The following AK2 variants were observed in gnomAD, a reference collection of about 807,000 sequenced individuals.
AK2 encodes adenylate kinase 2.
AK2 carries 15 observed loss-of-function variants against 24.6 expected under a neutral mutation model. The observed-to-expected ratio is 0.61, with a 90% CI of 0.41 to 0.94. AK2 has a LOEUF of 0.94. AK2 is among the 40% of genes least tolerant of loss of function. AK2 has a pLI of 0.00. For missense variants in AK2, 257 were observed against 304.1 expected (o/e 0.85, Z 1.15); for synonymous variants, 102 against 114.0 (o/e 0.90, Z 0.67).
At chr1:33,014,478 G>A in intron 5 of AK2, 44 bp downstream of exon 5, 1 of 1,439,056 alleles carries the variant, frequency 6.9e-7, no homozygotes, top group East Asian at 2.3e-5. Flanking sequence ...AGTGAAGAAA[G>A]GGGAAGGAAA....
In AK2 at chr1:33,012,745, A is replaced by G. The variant is rs754346840; in HGVS notation, c.*436T>C. The G allele has an allele frequency of 6.9e-5, 68 of 986,594 alleles. No individual in the cohort carries two copies. Among genetic ancestry groups the G allele is most frequent in the South Asian group, 4.8e-4 (36 of 74,596 alleles). The allele number at this position is 986,594 out of a possible 1,614,324, so 61.1% of individuals were successfully genotyped here. On this transcript the variant is annotated 3_prime_UTR_variant, in exon 6 of 6. Transcript: ENST00000672715. ...AATCCTGTCTCTACAAAAAATACAA[A>G]TATCAGCCAGGTGTTGTGGCATGCA...
intron 4 of AK2, 78 bp downstream of exon 4, chr1:33,021,289 C>T (rs758519977): frequency 6.9e-5 from 89 of 1,281,570 alleles, no homozygotes; most frequent in Non-Finnish European, 9.0e-5. Flanking sequence ...GCTTCATGGC[C>T]GGGATTAGGC....
chr1:33,036,656 G>A (rs1198700750), intron 1 of AK2, 80 bp downstream of exon 1: 9 of 1,357,316 alleles, frequency 6.6e-6, no homozygotes, highest in African/African-American at 2.9e-5. Context: ...CTCCGGGCAG[G>A]TCCAGGGCTT....
In AK2 at chr1:33,026,731, C is replaced by T. The variant is rs375754387; in HGVS notation, c.94-2164G>A. On this transcript the variant is annotated intron_variant, in intron 1 of 5. Transcript: ENST00000672715. ...GCTGAGGCAGGGGAATCGCTTGAACCCAGGAGTTGGAGGTTGCAGTGAGCT... is the reference window on the plus strand; with the variant it reads ...GCTGAGGCAGGGGAATCGCTTGAACTCAGGAGTTGGAGGTTGCAGTGAGCT... Among the ~76,000 whole-genome samples the T allele has an allele frequency of 9.9e-5, 15 of 152,068 alleles. No homozygotes were observed. In the East Asian group the frequency reaches 2.5e-3, roughly 26 times the overall value.
chr1:33,012,519 G>A lies in AK2; in HGVS notation c.*662C>T, dbSNP rs532345845. On this transcript the variant is annotated 3_prime_UTR_variant, in exon 6 of 6. Coordinates refer to ENST00000672715, the MANE Select transcript of AK2 (RefSeq NM_001625.4). ...CTGCTGGAAATGGAAGAAATACTATGAGGTTCTGGAATTGCGGTCCCTGGA... is the reference window on the plus strand; with the variant it reads ...CTGCTGGAAATGGAAGAAATACTATAAGGTTCTGGAATTGCGGTCCCTGGA... 3.0e-6 allele frequency: 4 copies of A among 1,341,028 alleles called. No homozygotes were observed. Among genetic ancestry groups the A allele is most frequent in the Non-Finnish European group, 3.9e-6 (4 of 1,025,024 alleles). 83.1% of individuals were successfully genotyped at this position (1,341,028 alleles called of 1,614,324 possible).
chr1:33,020,188 AACACAC>A (rs56098182), intron 4 of AK2: 35,250 of 874,758 alleles, frequency 0.04, 271 homozygotes, highest in Non-Finnish European at 0.044. Context: ...AACATGTTAA[AACACAC>A]ACACACACAC....
intron 1 of AK2, among the ~76,000 whole-genome samples, chr1:33,027,666 G>A (rs904829120): frequency 9.9e-5 from 15 of 150,810 alleles, no homozygotes; most frequent in African/African-American, 3.7e-4. Flanking sequence ...AGAACTGCTT[G>A]AACCCGTGAG....
At chr1:33,035,384 A>G (rs1025016237) in intron 1 of AK2, among the ~76,000 whole-genome samples, 1 of 152,208 alleles carries the variant, frequency 6.6e-6, no homozygotes, top group African/African-American at 2.4e-5. Context: ...TCAAGGGCCA[A>G]GTAATGTGCT....
rs752085550 is a variant in AK2 at position 33,021,707 on chromosome 1, GA to G, written c.220-5del. On this transcript the variant is annotated splice_region_variant and splice_polypyrimidine_tract_variant and intron_variant, in intron 2 of 5. Transcript: ENST00000672715. ...CCACTACCATTTCATCACTCACCTG[GA>G]AGTTAGGAACAAAATAGCCTTGGGT... is the stretch of plus-strand genomic sequence containing the variant. 1.2e-5 allele frequency: 20 copies of G among 1,607,018 alleles called. 1 individual carries two copies. Among genetic ancestry groups the G allele is most frequent in the Middle Eastern group, 3.3e-4 (2 of 6,074 alleles).
In AK2 at chr1:33,018,952, GT is replaced by G. The variant is rs368991118; in HGVS notation, c.425+2414del. ...AACTCCGTCAAGTCTACCCTCTTTG[GT>G]TTGGCAGATCTCCCCAGTAAAGCTC... On this transcript the variant is annotated intron_variant, in intron 4 of 5. Transcript: ENST00000672715. Among the ~76,000 whole-genome samples, 58 of 152,250 alleles carry G rather than the reference GT, an allele frequency of 3.8e-4. 1 individual carries two copies. The highest frequency in any genetic ancestry group is 1.3e-3 in the African/African-American group (56 of 41,550).
intron 1 of AK2, among the ~76,000 whole-genome samples, chr1:33,032,901 C>T (rs1006355848): frequency 2.6e-5 from 4 of 152,102 alleles, no homozygotes; most frequent in Non-Finnish European, 4.4e-5. Context: ...TGATGGCTCA[C>T]GGCTATAATC....
chr1:33,027,433 C>G (rs1639963895), intron 1 of AK2, among the ~76,000 whole-genome samples: 1 of 152,178 alleles, frequency 6.6e-6, no homozygotes, highest in Non-Finnish European at 1.5e-5. Context: ...AAAGAACACA[C>G]ACCAATAGGG....
rs762078339 is a variant in AK2, at chr1:33,013,390, G to T, written c.511C>A (p.Pro171Thr). 7 of 1,614,026 alleles carry T rather than the reference G, an allele frequency of 4.3e-6. No individual in the cohort carries two copies. Among genetic ancestry groups the T allele is most frequent in the Non-Finnish European group, 5.9e-6 (7 of 1,179,950 alleles). The change falls in exon 6 of 6, where the codon CCC becomes ACC. Residue 171 changes from proline (P) to threonine (T), a missense_variant. By Grantham distance (38) the Pro-to-Thr change is conservative. Transcript: ENST00000672715. Reference sequence around the variant, plus strand: ...TTATCATCTGATCGACGGATCAAGGGTTCCCCGGTGATCTGAGAACAGGAA... The same window carrying T: ...TTATCATCTGATCGACGGATCAAGGTTTCCCCGGTGATCTGAGAACAGGAA... Reference protein sequence around the residue: ...EPMKDDITGEPLIRRSDDNEK... With the variant: ...EPMKDDITGETLIRRSDDNEK...
chr1:33,015,501 A>G (rs1639126867), intron 4 of AK2, among the ~76,000 whole-genome samples: 1 of 152,204 alleles, frequency 6.6e-6, no homozygotes, highest in Non-Finnish European at 1.5e-5. Context: ...TTCTCTGCCA[A>G]CCAAGTGTTT....
At chr1:33,017,629 T>C (rs1327589774) in intron 4 of AK2, among the ~76,000 whole-genome samples, 1 of 152,060 alleles carries the variant, frequency 6.6e-6, no homozygotes, top group Non-Finnish European at 1.5e-5. Context: ...GAAACCCCAC[T>C]CTCCAAGTTC....
intron 1 of AK2, among the ~76,000 whole-genome samples, chr1:33,033,926 C>T (rs559995065): frequency 2.0e-5 from 3 of 152,040 alleles, no homozygotes; most frequent in South Asian, 2.1e-4. Context: ...CAGGCTGGGG[C>T]GCAATGGTGA....
At chr1:33,024,158 G>A (rs1639724538) in intron 2 of AK2, 8 of 378,040 alleles carry the variant, frequency 2.1e-5, no homozygotes, top group South Asian at 6.6e-5. Flanking sequence ...GCGACAGAGC[G>A]AGACTTTGTC....
At chr1:33,017,350 A>T (rs1640885873) in intron 4 of AK2, among the ~76,000 whole-genome samples, 3 of 152,196 alleles carry the variant, frequency 2.0e-5, no homozygotes, top group African/African-American at 7.2e-5. Flanking sequence ...AGTGCCTGGA[A>T]GGATTCCTCT....
rs1378757619 is a variant in AK2, at chr1:33,012,517, A to G, written c.*664T>C. ...AGCTGCTGGAAATGGAAGAAATACTATGAGGTTCTGGAATTGCGGTCCCTG... is the reference window on the plus strand; with the variant it reads ...AGCTGCTGGAAATGGAAGAAATACTGTGAGGTTCTGGAATTGCGGTCCCTG... On this transcript the variant is annotated 3_prime_UTR_variant, in exon 6 of 6. Coordinates refer to ENST00000672715, the MANE Select transcript of AK2 (RefSeq NM_001625.4). The G allele has an allele frequency of 7.4e-7, 1 of 1,343,770 alleles. No individual in the cohort carries two copies. Among genetic ancestry groups the G allele is most frequent in the Non-Finnish European group, 9.7e-7 (1 of 1,026,790 alleles). The allele number at this position is 1,343,770 out of a possible 1,614,324, so 83.2% of individuals were successfully genotyped here.
Sources: gnomAD v4.1 joint callset for allele counts (sites outside exome capture counted in the v4.1 genomes callset) on GRCh38, gnomAD v4.1.1 for gene constraint, MANE v1.5 for transcripts, NCBI Gene and HGNC (gene_info 2026-07-23, HGNC 2026-07-21) for gene names.